The following PTPRK variants were observed in gnomAD, a reference collection of about 807,000 sequenced individuals.
PTPRK encodes protein tyrosine phosphatase receptor type K.
PTPRK carries 75 observed loss-of-function variants against 178.0 expected under a neutral mutation model. The observed-to-expected ratio is 0.42, with a 90% CI of 0.35 to 0.51. The LOEUF (loss-of-function observed/expected upper bound fraction) is 0.51. PTPRK is among the 20% of genes least tolerant of loss of function. The pLI, the probability that PTPRK is intolerant of heterozygous loss-of-function variation, is 0.02. For synonymous variants in PTPRK, 637 were observed against 620.6 expected (o/e 1.03, Z -0.39); for missense variants, 1,441 against 1,797.8 (o/e 0.80, Z 3.59).
At chr6:128,115,709 T>C (rs1034304916) in intron 7 of PTPRK, among the ~76,000 whole-genome samples, 2 of 152,068 alleles carry the variant, frequency 1.3e-5, no homozygotes, top group Non-Finnish European at 2.9e-5. Flanking sequence ...CAAAAAGTAA[T>C]ATATGATATA....
At chr6:127,989,684 TCTAA>T (rs1170618633) in intron 21 of PTPRK, among the ~76,000 whole-genome samples, 1 of 152,118 alleles carries the variant, frequency 6.6e-6, no homozygotes, top group East Asian at 1.9e-4. Context: ...TTCAACATAC[TCTAA>T]CAATCAATGA....
At chr6:127,986,586 TAGA>T (rs1377552241) in intron 21 of PTPRK, among the ~76,000 whole-genome samples, 7 of 152,142 alleles carry the variant, frequency 4.6e-5, no homozygotes, top group Non-Finnish European at 8.8e-5. Flanking sequence ...TTCCTTTTTT[TAGA>T]AGAAGTCTGT....
At chr6:128,309,065 A>C (rs17055608) in intron 3 of PTPRK, among the ~76,000 whole-genome samples, 13,785 of 152,214 alleles carry the variant, frequency 0.091, 761 homozygotes, top group African/African-American at 0.15. Context: ...CTCACCACTC[A>C]ACAGTCAAGT....
chr6:128,370,177 C>A (rs1332818514), intron 2 of PTPRK, among the ~76,000 whole-genome samples: 1 of 152,018 alleles, frequency 6.6e-6, no homozygotes, highest in Non-Finnish European at 1.5e-5. Context: ...AGTGGTTCGA[C>A]GATAATAGCT....
chr6:128,324,101 A>T (rs1432925747), intron 2 of PTPRK, among the ~76,000 whole-genome samples: 3 of 152,104 alleles, frequency 2.0e-5, no homozygotes, highest in African/African-American at 4.8e-5. Context: ...GAGATCTTGG[A>T]TAAGTTACCT....
intron 7 of PTPRK, 31 bp from the exon 8 acceptor site, chr6:128,090,023 G>A: frequency 4.0e-6 from 6 of 1,499,802 alleles, no homozygotes; most frequent in Non-Finnish European, 5.6e-6. Flanking sequence ...GTAGACAGCT[G>A]TCTATTATAT....
At chr6:128,179,658 T>C (rs1238587511) in intron 7 of PTPRK, among the ~76,000 whole-genome samples, 4 of 151,994 alleles carry the variant, frequency 2.6e-5, no homozygotes, top group African/African-American at 9.7e-5. Flanking sequence ...AACCAACTCT[T>C]AGAAGAGTTG....
chr6:128,046,141 G>C (rs1777997345), intron 13 of PTPRK, among the ~76,000 whole-genome samples: 1 of 152,082 alleles, frequency 6.6e-6, no homozygotes, highest in Non-Finnish European at 1.5e-5. Flanking sequence ...TCCTGGCTTG[G>C]CTTCGCTTAG....
At chr6:128,306,922 GAGGTCTGAGGTTC>G (rs1826467882) in intron 3 of PTPRK, among the ~76,000 whole-genome samples, 1 of 152,048 alleles carries the variant, frequency 6.6e-6, no homozygotes, top group Non-Finnish European at 1.5e-5. Context: ...AAACATTTCG[GAGGTCTGAGGTTC>G]AGGTCACATG....
chr6:128,240,385 AT>A (rs1470674831), intron 4 of PTPRK, among the ~76,000 whole-genome samples: 3 of 152,100 alleles, frequency 2.0e-5, no homozygotes, highest in Admixed American at 6.5e-5. Context: ...TTGCTGGAGT[AT>A]TGTTCTCTAC....
intron 3 of PTPRK, among the ~76,000 whole-genome samples, chr6:128,268,726 C>T (rs1057309111): frequency 2.0e-5 from 3 of 152,116 alleles, no homozygotes; most frequent in South Asian, 2.1e-4. Flanking sequence ...GATCACCTAC[C>T]TTTAAATCAG....
At chr6:128,233,332 T>A (rs1455440043) in intron 5 of PTPRK, among the ~76,000 whole-genome samples, 1 of 152,192 alleles carries the variant, frequency 6.6e-6, no homozygotes, top group South Asian at 2.1e-4. Context: ...TGCTTTAGAT[T>A]CCCACTACCA....
At chr6:128,212,376 T>C (rs899165448) in intron 6 of PTPRK, among the ~76,000 whole-genome samples, 1 of 151,996 alleles carries the variant, frequency 6.6e-6, no homozygotes, top group Non-Finnish European at 1.5e-5. Context: ...AAATCTTAGT[T>C]CAAATGGACA....
intron 9 of PTPRK, 62 bp downstream of exon 9, chr6:128,083,653 C>T: frequency 1.0e-6 from 1 of 993,246 alleles, no homozygotes; most frequent in Non-Finnish European, 1.5e-6. Context: ...CTAACTTTTC[C>T]TTTCTTCTTC....
At chr6:128,150,230 G>A (rs1797062764) in intron 7 of PTPRK, among the ~76,000 whole-genome samples, 2 of 152,004 alleles carry the variant, frequency 1.3e-5, no homozygotes, top group South Asian at 4.1e-4. Flanking sequence ...TACTGCACTG[G>A]GCTTAGTATT....
chr6:128,408,109 TG>T (rs1313674609), intron 1 of PTPRK, among the ~76,000 whole-genome samples: 1 of 152,202 alleles, frequency 6.6e-6, no homozygotes, highest in East Asian at 1.9e-4. Flanking sequence ...CTATCCTGGC[TG>T]GGCACAGTGG....
chr6:128,228,880 CTG>C (rs1811848182), intron 5 of PTPRK, among the ~76,000 whole-genome samples: 1 of 152,036 alleles, frequency 6.6e-6, no homozygotes, highest in Non-Finnish European at 1.5e-5. Flanking sequence ...TAGTGACTGA[CTG>C]TACCTATTCT....
At chr6:128,113,067 C>T (rs1790928502) in intron 7 of PTPRK, among the ~76,000 whole-genome samples, 1 of 152,062 alleles carries the variant, frequency 6.6e-6, no homozygotes, top group Non-Finnish European at 1.5e-5. Context: ...AATTATCCAT[C>T]CTCACGATTC....
chr6:128,066,394 G>T (rs933782204), intron 12 of PTPRK, among the ~76,000 whole-genome samples: 1 of 152,130 alleles, frequency 6.6e-6, no homozygotes, highest in Admixed American at 6.6e-5. Flanking sequence ...TACAAGCCAA[G>T]CATACAGGCA....
Sources: gnomAD v4.1 joint callset for allele counts (sites outside exome capture counted in the v4.1 genomes callset) on GRCh38, gnomAD v4.1.1 for gene constraint, MANE v1.5 for transcripts, NCBI Gene and HGNC (gene_info 2026-07-23, HGNC 2026-07-21) for gene names.